TACC2: variants seen among roughly 807,000 people sequenced by gnomAD.
The protein encoded by TACC2 is transforming acidic coiled-coil-containing protein 2.
TACC2 carries 137 observed loss-of-function variants against 227.3 expected under a neutral mutation model. That is an observed-to-expected ratio of 0.60 (90% CI 0.52 to 0.69). The LOEUF (loss-of-function observed/expected upper bound fraction) is 0.69, where lower values mean the gene tolerates loss of function less well. Among genes scored for constraint, TACC2 ranks in the 30% least tolerant of loss-of-function variants. The pLI is 0.00. For synonymous variants in TACC2, 1,523 were observed against 1,487.5 expected (o/e 1.02, Z -0.55); for missense variants, 3,470 against 3,694.4 (o/e 0.94, Z 1.57).
intron 7 of TACC2, among the ~76,000 whole-genome samples, chr10:122,146,587 C>G (rs1262650274): frequency 6.6e-6 from 1 of 152,034 alleles, no homozygotes; most frequent in African/African-American, 2.4e-5. Flanking sequence ...TATAGGATAC[C>G]CTGAACCACC....
chr10:122,089,034 G>A (rs61515253), intron 5 of TACC2, among the ~76,000 whole-genome samples: 4,606 of 152,210 alleles, frequency 0.03, 93 homozygotes, highest in South Asian at 0.087. Context: ...AGGATCGATC[G>A]TTTGAGCCCA....
rs17103126 is a variant in TACC2 at position 122,150,722 on chromosome 10, G to C, written c.5834+7016G>C. The stretch of plus-strand genomic sequence containing the variant: ...CCATGCCCGAGTGCCTCGCCGTGTT[G>C]ATGAGCCAGTTTCTTTAATACTTCG... On this transcript the variant is annotated intron_variant, in intron 7 of 22. Coordinates refer to ENST00000369005, the MANE Select transcript of TACC2 (RefSeq NM_206862.4). The surrounding 1 kb of genome is among the most constrained non-coding windows in gnomAD (Gnocchi z 4.0). Among the ~76,000 whole-genome samples the C allele has an allele frequency of 0.023, 3,476 of 152,300 alleles. 53 individuals carry two copies. Among genetic ancestry groups the C allele is most frequent in the Middle Eastern group, 0.048 (14 of 294 alleles).
intron 2 of TACC2, among the ~76,000 whole-genome samples, chr10:122,028,936 G>GCCTTCCCTTCCCTTCCATTC (rs1565108416): frequency 8.0e-4 from 1 of 1,248 alleles, no homozygotes; most frequent in Admixed American, 0.014. Flanking sequence ...CCCTCCCCTC[G>GCCTTCCCTTCCCTTCCATTC]CCTTCCCTTC....
chr10:122,049,946 G>A (rs1288145015), intron 2 of TACC2, among the ~76,000 whole-genome samples: 1 of 152,086 alleles, frequency 6.6e-6, no homozygotes, highest in African/African-American at 2.4e-5. Flanking sequence ...CAAGTGGTTG[G>A]GTCCAGATTT....
Position 122,243,325 on chromosome 10 carries a change from T to C in TACC2, c.8392+1324T>C, listed in dbSNP as rs79734471. Among the ~76,000 whole-genome samples, 1,587 of 152,298 alleles carry C rather than the reference T, an allele frequency of 0.01. 111 individuals are homozygous for C. In the East Asian group the frequency reaches 0.2, roughly 19 times the overall value. On this transcript the variant is annotated intron_variant, in intron 19 of 22. Coordinates refer to ENST00000369005, the MANE Select transcript of TACC2 (RefSeq NM_206862.4). ...CAGACCACGCTTTATGTGTCCAAGT[T>C]TGACACTGTGCTGGCACCTGGTCCC...
chr10:122,253,887 G>T, intron 22 of TACC2, 104 bp from the exon 23 acceptor site: 1 of 880,360 alleles, frequency 1.1e-6, no homozygotes. Flanking sequence ...CTTTAGTGGG[G>T]ACCAAGGGGC....
At chr10:122,203,830 G>C (rs977021543) in intron 8 of TACC2, among the ~76,000 whole-genome samples, 6 of 152,088 alleles carry the variant, frequency 3.9e-5, no homozygotes, top group African/African-American at 1.4e-4. Flanking sequence ...AGGTTGTAGC[G>C]AGCCGAGATC....
Position 122,119,783 on chromosome 10 carries a change from G to A in TACC2, c.5574-12826G>A, listed in dbSNP as rs148301130. 1.9e-3 allele frequency among the ~76,000 whole-genome samples: 290 copies of A among 152,278 alleles called. 1 individual carries two copies. The highest frequency in any genetic ancestry group is 6.8e-3 in the African/African-American group (282 of 41,560). ...ATAAATGTTAGCTGGACTGGGTGTG[G>A]TGGTATGCACCCGTCATCTCAGCTA... On this transcript the variant is annotated intron_variant, in intron 5 of 22. Transcript: ENST00000369005.
chr10:122,082,761 CA>C lies in TACC2; in HGVS notation c.262del (p.Arg88GlyfsTer122), dbSNP rs2079668758. The C allele has an allele frequency of 1.9e-6, 3 of 1,614,022 alleles. No homozygotes were observed. Among genetic ancestry groups the C allele is most frequent in the Non-Finnish European group, 1.7e-6 (2 of 1,180,018 alleles). ...TEPRKDPQGA[R>X]GPEGSLLPSP... ...AGCCAAGGAAGGACCCACAGGGAGC[CA>C]GGGGGCCAGAAGGTTCTTTGCTGCC... On this transcript the variant is annotated frameshift_variant, in exon 4 of 23. Transcript: ENST00000369005. LOFTEE classifies it high-confidence loss of function.
intron 6 of TACC2, among the ~76,000 whole-genome samples, chr10:122,137,858 A>C (rs1453463207): frequency 6.6e-6 from 1 of 152,168 alleles, no homozygotes; most frequent in South Asian, 2.1e-4. Context: ...AGGTTTGAGC[A>C]GCTCATCACA....
intron 8 of TACC2, among the ~76,000 whole-genome samples, chr10:122,197,878 C>T (rs544558992): frequency 6.6e-6 from 1 of 152,312 alleles, no homozygotes; most frequent in Admixed American, 6.5e-5. Flanking sequence ...TGTAGACCAG[C>T]ATGGGGCATT....
At chr10:122,144,048 T>C (rs75254669) in intron 7 of TACC2, among the ~76,000 whole-genome samples, 2,427 of 152,248 alleles carry the variant, frequency 0.016, 56 homozygotes, top group East Asian at 0.094. Context: ...TTTTAAGGGA[T>C]TGGCTCATGT....
At chr10:122,072,507 G>A (rs2078198351) in intron 3 of TACC2, among the ~76,000 whole-genome samples, 1 of 152,182 alleles carries the variant, frequency 6.6e-6, no homozygotes, top group African/African-American at 2.4e-5. Flanking sequence ...GTGTGCTAGG[G>A]TTGCAAAGAA....
chr10:122,128,628 C>T (rs2087355690), intron 5 of TACC2, among the ~76,000 whole-genome samples: 2 of 152,164 alleles, frequency 1.3e-5, no homozygotes, highest in African/African-American at 4.8e-5. Flanking sequence ...TGATTGTCTC[C>T]ATCTCTGAAA....
intron 3 of TACC2, among the ~76,000 whole-genome samples, chr10:122,061,022 G>C (rs1434749427): frequency 0.065 from 1,233 of 18,952 alleles, 31 homozygotes; most frequent in African/African-American, 0.1. Flanking sequence ...AAAAAAAAGG[G>C]GGGGGGGCCA....
chr10:122,125,665 G>A (rs1002890508), intron 5 of TACC2, among the ~76,000 whole-genome samples: 5 of 152,220 alleles, frequency 3.3e-5, no homozygotes, highest in Non-Finnish European at 5.9e-5. Context: ...TGCCACAGAG[G>A]ATGGCCAGAT....
intron 7 of TACC2, among the ~76,000 whole-genome samples, chr10:122,144,719 A>C (rs955526562): frequency 1.3e-5 from 2 of 152,230 alleles, no homozygotes; most frequent in African/African-American, 4.8e-5. Flanking sequence ...GGGTGGGCCC[A>C]GAGCTGGACC....
intron 2 of TACC2, among the ~76,000 whole-genome samples, chr10:122,045,776 G>T (rs1031155713): frequency 6.6e-6 from 1 of 152,234 alleles, no homozygotes; most frequent in Non-Finnish European, 1.5e-5. Flanking sequence ...GCTTTGAAAA[G>T]TGCAATGTGC....
rs758754668 is a variant in TACC2, at chr10:122,083,373, C to A, written c.873C>A (p.Gly291=). 2.5e-6 allele frequency: 4 copies of A among 1,613,814 alleles called. No homozygotes were observed. The African/African-American group carries it at 4.0e-5, about 16-fold the overall frequency. The stretch of plus-strand genomic sequence containing the variant: ...CAAGAGCCTCAGACAGAGAAAGAGG[C>A]CAAGGGGAGGCGCCGCCTCAGTATT... ...PAPRASDRER[G]QGEAPPQYLT... Residue 291 remains glycine, a synonymous_variant, in exon 4 of 23, where the codon GGC becomes GGA. Coordinates refer to ENST00000369005, the MANE Select transcript of TACC2 (RefSeq NM_206862.4).
Sources: gnomAD v4.1 joint callset for allele counts (sites outside exome capture counted in the v4.1 genomes callset) on GRCh38, gnomAD v4.1.1 for gene constraint, Gnocchi (gnomAD v3.1) non-coding constraint, MANE v1.5 for transcripts, NCBI Gene and HGNC (gene_info 2026-07-23, HGNC 2026-07-21) for gene names.